Variants in TRHDE observed in about 807,000 individuals in gnomAD.
TRHDE encodes thyrotropin releasing hormone degrading enzyme.
A neutral mutation model predicts 125.7 loss-of-function variants in TRHDE; 72 were observed. The observed-to-expected ratio is 0.57, with a 90% CI of 0.47 to 0.70. The LOEUF is 0.70. Among genes scored for constraint, TRHDE ranks in the 30% least tolerant of loss-of-function variants. The pLI, the probability that TRHDE is intolerant of heterozygous loss-of-function variation, is 0.00. For missense variants in TRHDE, 1,110 were observed against 1,327.1 expected (o/e 0.84, Z 2.54); for synonymous variants, 509 against 509.1 (o/e 1.00, Z 0.00).
chr12:72,518,598 C>T (rs1399675700), intron 6 of TRHDE, among the ~76,000 whole-genome samples: 2 of 152,052 alleles, frequency 1.3e-5, no homozygotes, highest in Non-Finnish European at 1.5e-5. Context: ...ACTCTTTATC[C>T]AATTTCCCAG....
At chr12:72,122,758 G>A (rs994223891) in intron 2 of TRHDE, among the ~76,000 whole-genome samples, 1 of 151,890 alleles carries the variant, frequency 6.6e-6, no homozygotes, top group Non-Finnish European at 1.5e-5. Context: ...CAAAAAATAG[G>A]TCTTCTATGT....
chr12:72,137,223 A>T (rs371674421), intron 2 of TRHDE, among the ~76,000 whole-genome samples: 1 of 152,194 alleles, frequency 6.6e-6, no homozygotes, highest in South Asian at 2.1e-4. Flanking sequence ...ACAGATTCTC[A>T]TTCTAATTAT....
intron 5 of TRHDE, among the ~76,000 whole-genome samples, chr12:72,475,657 C>T (rs1473113963): frequency 6.6e-6 from 1 of 152,046 alleles, no homozygotes; most frequent in Non-Finnish European, 1.5e-5. Flanking sequence ...GTAAATAAGA[C>T]AACTGAGACT....
At chr12:72,133,214 G>A (rs1467842591) in intron 2 of TRHDE, among the ~76,000 whole-genome samples, 1 of 152,230 alleles carries the variant, frequency 6.6e-6, no homozygotes, top group Non-Finnish European at 1.5e-5. Flanking sequence ...TTTGAAAGTT[G>A]TGAAACCAGT....
chr12:72,212,658 G>A (rs1243644647), intron 2 of TRHDE, among the ~76,000 whole-genome samples: 3 of 152,112 alleles, frequency 2.0e-5, no homozygotes, highest in African/African-American at 7.2e-5. Context: ...CCACTAGGAT[G>A]GTTATAATGT....
rs199905617 is a variant in TRHDE, at chr12:72,380,875, CTT to C, written c.1315+2755_1315+2756del. Among the ~76,000 whole-genome samples, 1,391 of 140,646 alleles carry C rather than the reference CTT, an allele frequency of 9.9e-3. 38 individuals are homozygous for C. The highest frequency in any genetic ancestry group is 0.035 in the African/African-American group (1,305 of 37,704). 92.3% of individuals were successfully genotyped at this position (140,646 alleles called of 152,430 possible). ...TCTCTCTCTCTTTCTCTCTCTCTCT[CTT>C]CTTTCTTTCTTCCTTCCTTCCTTCC... On this transcript the variant is annotated intron_variant, in intron 3 of 18. Transcript: ENST00000261180.
At chr12:72,189,195 T>C (rs1877288802) in intron 2 of TRHDE, among the ~76,000 whole-genome samples, 1 of 152,244 alleles carries the variant, frequency 6.6e-6, no homozygotes, top group Non-Finnish European at 1.5e-5. Flanking sequence ...TAATTTTTAC[T>C]AAGGTATAAA....
At chr12:72,519,585 T>C (rs1231256798) in intron 6 of TRHDE, among the ~76,000 whole-genome samples, 2 of 152,226 alleles carry the variant, frequency 1.3e-5, no homozygotes, top group African/African-American at 4.8e-5. Context: ...TGCCTTTGGT[T>C]TGAATGTCCT....
At chr12:72,531,293 C>G (rs1053817438) in intron 6 of TRHDE, among the ~76,000 whole-genome samples, 1 of 151,896 alleles carries the variant, frequency 6.6e-6, no homozygotes, top group Admixed American at 6.6e-5. Context: ...ATCCATTGCC[C>G]ATTTTCCAAT....
At chr12:72,639,871 C>A (rs1455795146) in intron 15 of TRHDE, among the ~76,000 whole-genome samples, 1 of 152,142 alleles carries the variant, frequency 6.6e-6, no homozygotes, top group Non-Finnish European at 1.5e-5. Flanking sequence ...CTCAGATCTC[C>A]AGCTGCGTGC....
chr12:72,597,699 ATGTG>A (rs1187381736), intron 12 of TRHDE, among the ~76,000 whole-genome samples: 4 of 66,232 alleles, frequency 6.0e-5, no homozygotes, highest in African/African-American at 4.4e-4. Flanking sequence ...AGGTATATAT[ATGTG>A]TGTGTGTATG....
chr12:72,197,509 T>C (rs1877468654), intron 2 of TRHDE, among the ~76,000 whole-genome samples: 1 of 152,182 alleles, frequency 6.6e-6, no homozygotes, highest in Admixed American at 6.5e-5. Flanking sequence ...GTTTATTAAT[T>C]GAGTGAGCAG....
At position 72,635,801 on chromosome 12, in the gene TRHDE, C is replaced by T. The variant is rs1034859786; in HGVS notation, c.2675+14050C>T. Among the ~76,000 whole-genome samples the T allele has an allele frequency of 9.9e-5, 15 of 151,500 alleles. No homozygotes were observed. In the South Asian group the frequency reaches 2.1e-3, roughly 21 times the overall value. On this transcript the variant is annotated intron_variant, in intron 15 of 18. Coordinates refer to ENST00000261180, the MANE Select transcript of TRHDE (RefSeq NM_013381.3). ...TTGTTTTTCTCAGGTTTGTCAAAGA[C>T]CAGATAGTTGTAGATATGCAGCATT...
At chr12:72,154,133 C>T (rs1410204626) in intron 2 of TRHDE, among the ~76,000 whole-genome samples, 1 of 152,116 alleles carries the variant, frequency 6.6e-6, no homozygotes, top group Non-Finnish European at 1.5e-5. Flanking sequence ...TTGAATTGAT[C>T]CCTTTACCAT....
intron 2 of TRHDE, among the ~76,000 whole-genome samples, chr12:72,310,106 C>A (rs1868470488): frequency 6.6e-6 from 1 of 152,182 alleles, no homozygotes; most frequent in African/African-American, 2.4e-5. Context: ...GTTCGTGGTG[C>A]TGGGCCATGG....
chr12:72,316,824 T>C (rs562337745), intron 2 of TRHDE, among the ~76,000 whole-genome samples: 1 of 152,320 alleles, frequency 6.6e-6, no homozygotes, highest in African/African-American at 2.4e-5. Flanking sequence ...TAAAATGGAA[T>C]TATTGTTCAG....
At chr12:72,474,442 C>T (rs1312605797) in intron 5 of TRHDE, among the ~76,000 whole-genome samples, 1 of 152,084 alleles carries the variant, frequency 6.6e-6, no homozygotes, top group East Asian at 1.9e-4. Context: ...TCCTCCTCCC[C>T]CAAGCCTCTG....
At chr12:72,306,041 A>T (rs1331513771) in intron 2 of TRHDE, among the ~76,000 whole-genome samples, 1 of 152,196 alleles carries the variant, frequency 6.6e-6, no homozygotes. Flanking sequence ...GGCAAGTCTC[A>T]TGCAGTTTGG....
intron 2 of TRHDE, chr12:72,257,990 G>C (rs1426766060): frequency 6.6e-6 from 1 of 152,084 alleles, no homozygotes; most frequent in Non-Finnish European, 1.5e-5. Context: ...TATTGATAAA[G>C]AGGAAAAGGG....
Sources: allele counts gnomAD v4.1 joint callset (sites outside exome capture counted in the v4.1 genomes callset), GRCh38; gene constraint gnomAD v4.1.1; transcripts MANE v1.5; gene names NCBI Gene and HGNC (gene_info 2026-07-23, HGNC 2026-07-21).